Variants in DNAJC13 observed in about 807,000 individuals in gnomAD.
The protein encoded by DNAJC13 is DnaJ heat shock protein family (Hsp40) member C13.
Under a neutral mutation model 290.5 loss-of-function variants are expected in DNAJC13, and 75 were observed. The ratio of observed to expected loss-of-function variants is 0.26; its 90% CI spans 0.21 to 0.31. The LOEUF is 0.31. Ranked by LOEUF, DNAJC13 falls within the 10% of genes least tolerant of loss-of-function variation. DNAJC13 has a pLI of 1.00. For synonymous variants in DNAJC13, 862 were observed against 892.0 expected (o/e 0.97, Z 0.60); for missense variants, 2,260 against 2,674.5 (o/e 0.85, Z 3.42).
chr3:132,466,116 A>C, intron 18 of DNAJC13, 46 bp downstream of exon 18: 2 of 1,523,306 alleles, frequency 1.3e-6, no homozygotes, highest in Non-Finnish European at 1.8e-6. Flanking sequence ...AATAAAATTT[A>C]ATTGAACAAG....
chr3:132,496,482 T>G, intron 35 of DNAJC13, 46 bp from the exon 36 acceptor site: 1 of 1,495,542 alleles, frequency 6.7e-7, no homozygotes, highest in Non-Finnish European at 9.0e-7. Flanking sequence ...AAGTTGAATT[T>G]TGCGACATTC....
In DNAJC13 at chr3:132,474,945, C is replaced by G. The variant is rs1324097782; in HGVS notation, c.2305C>G (p.His769Asp). The G allele has an allele frequency of 6.3e-7, 1 of 1,593,060 alleles. No individual in the cohort carries two copies. Among genetic ancestry groups the G allele is most frequent in the Admixed American group, 1.7e-5 (1 of 58,456 alleles). ...DLFYYRFGQD[H>D]ARSNLIWNFK... ...ATGTATGTCTAGGTTTGGTCAAGACCATGCCAGGTCAAACCTTATTTGGAA... is the reference window on the plus strand; with the variant it reads ...ATGTATGTCTAGGTTTGGTCAAGACGATGCCAGGTCAAACCTTATTTGGAA... The change falls in exon 22 of 56, where the codon CAT becomes GAT. Residue 769 changes from histidine (H) to aspartate (D), a missense_variant. This residue lies in a region of DNAJC13 where 762 missense variants were observed against 964.1 expected (regional missense o/e 0.79). Coordinates refer to ENST00000260818, the MANE Select transcript of DNAJC13 (RefSeq NM_015268.4).
chr3:132,520,890 T>C (rs1936068203), intron 48 of DNAJC13, among the ~76,000 whole-genome samples: 1 of 152,212 alleles, frequency 6.6e-6, no homozygotes, highest in African/African-American at 2.4e-5. Context: ...TTACTTAAAA[T>C]TTAGTTTACT....
chr3:132,536,270 C>T (rs369738410), intron 55 of DNAJC13, among the ~76,000 whole-genome samples: 1 of 152,126 alleles, frequency 6.6e-6, no homozygotes, highest in African/African-American at 2.4e-5. Flanking sequence ...ATGGACAGGC[C>T]GAATCCGCTA....
At chr3:132,512,833 G>C (rs1935817856) in intron 44 of DNAJC13, among the ~76,000 whole-genome samples, 175 bp from the exon 45 acceptor site, 1 of 152,156 alleles carries the variant, frequency 6.6e-6, no homozygotes, top group African/African-American at 2.4e-5. Context: ...CTTACATTTT[G>C]CCTTTTAAGA....
At chr3:132,510,180 A>G (rs990368819) in intron 43 of DNAJC13, among the ~76,000 whole-genome samples, 4 of 152,166 alleles carry the variant, frequency 2.6e-5, no homozygotes, top group African/African-American at 4.8e-5. Context: ...TTACATGCTC[A>G]TTTCATCACA....
chr3:132,429,113 A>G (rs1442321643), intron 1 of DNAJC13, among the ~76,000 whole-genome samples: 1 of 152,226 alleles, frequency 6.6e-6, no homozygotes, highest in Non-Finnish European at 1.5e-5. Flanking sequence ...TCAGCTTTGG[A>G]GACTTATTTT....
chr3:132,453,202 G>T, intron 6 of DNAJC13, 96 bp from the exon 7 acceptor site: 4 of 1,116,502 alleles, frequency 3.6e-6, no homozygotes, highest in Admixed American at 5.2e-5. Flanking sequence ...TTTTTCTCTA[G>T]AATTGCTACT....
Position 132,423,088 on chromosome 3 carries a change from C to G in DNAJC13, c.-14+5328C>G, listed in dbSNP as rs146515191. Among the ~76,000 whole-genome samples, 252 of 152,150 alleles carry G rather than the reference C, an allele frequency of 1.7e-3. 1 individual carries two copies. The Middle Eastern group carries it at 0.017, about 10-fold the overall frequency. On this transcript the variant is annotated intron_variant, in intron 1 of 55. Transcript: ENST00000260818. Reference sequence around the variant, plus strand: ...GGAAGGCTGAGGCGGGAGGATCACTCGAGGCCAGGAGCTCCAACCTAGCTT... The same window carrying G: ...GGAAGGCTGAGGCGGGAGGATCACTGGAGGCCAGGAGCTCCAACCTAGCTT...
In DNAJC13 at chr3:132,467,059, C is replaced by T. The variant is rs1576476960; in HGVS notation, c.2065-111C>T. Reference sequence around the variant, plus strand: ...TTTTCAGTTTGTTTCTTCACTGAACCATAACATCCAGCATTAACCTTATAA... The same window carrying T: ...TTTTCAGTTTGTTTCTTCACTGAACTATAACATCCAGCATTAACCTTATAA... On this transcript the variant is annotated intron_variant, in intron 19 of 55. Transcript: ENST00000260818. The T allele has an allele frequency of 5.0e-6, 6 of 1,200,436 alleles. No individual in the cohort carries two copies. In the East Asian group the frequency reaches 1.1e-4, roughly 22 times the overall value. 74.4% of individuals were successfully genotyped at this position (1,200,436 alleles called of 1,614,324 possible). A position where few individuals can be genotyped will look rare whatever the true frequency, so the allele number is the denominator to read the frequency against.
At chr3:132,471,413 G>T (rs914846933) in intron 20 of DNAJC13, among the ~76,000 whole-genome samples, 4 of 146,716 alleles carry the variant, frequency 2.7e-5, no homozygotes, top group African/African-American at 5.0e-5. Flanking sequence ...CCCAGATGGG[G>T]TGGCTGCCGG....
rs185114081 is a variant in DNAJC13, at chr3:132,475,659, C to T, written c.2445+574C>T. On this transcript the variant is annotated intron_variant, in intron 22 of 55. Coordinates refer to ENST00000260818, the MANE Select transcript of DNAJC13 (RefSeq NM_015268.4). ...ATCCTGCGGGCTTTGATCTTTAACC[C>T]AGTTGCATTTCCATATTCCATTTGG... is the stretch of plus-strand genomic sequence containing the variant. Among the ~76,000 whole-genome samples, 11 of 152,226 alleles carry T rather than the reference C, an allele frequency of 7.2e-5. No homozygotes were observed. In the East Asian group the frequency reaches 2.1e-3, roughly 29 times the overall value.
At chr3:132,438,221 A>G (rs1278978707) in intron 2 of DNAJC13, among the ~76,000 whole-genome samples, 1 of 152,136 alleles carries the variant, frequency 6.6e-6, no homozygotes, top group African/African-American at 2.4e-5. Flanking sequence ...TGTTGATTTC[A>G]GTGTATACAC....
rs570599915 is a variant in DNAJC13, at chr3:132,492,133, A to G, written c.3624-281A>G. Among the ~76,000 whole-genome samples, 6 of 152,254 alleles carry G rather than the reference A, an allele frequency of 3.9e-5. No homozygotes were observed. The South Asian group carries it at 1.2e-3, about 32-fold the overall frequency. On this transcript the variant is annotated intron_variant, in intron 32 of 55. Coordinates refer to ENST00000260818, the MANE Select transcript of DNAJC13 (RefSeq NM_015268.4). ...CTACACCCTCATGCATTCAGATGCT[A>G]TACCATTTGCCCTTCTAATGGCTGA... is the stretch of plus-strand genomic sequence containing the variant.
At position 132,526,536 on chromosome 3, in the gene DNAJC13, C is replaced by T. The variant is rs556358200; in HGVS notation, c.6381+255C>T. On this transcript the variant is annotated intron_variant, in intron 53 of 55. Transcript: ENST00000260818. ...CACACACAAAAATGGGGCCAGCTGC[C>T]AACAGTCTTACCAACTTGAGAGTAC... Among the ~76,000 whole-genome samples, 6 of 152,168 alleles carry T rather than the reference C, an allele frequency of 3.9e-5. No individual in the cohort carries two copies. In the East Asian group the frequency reaches 7.7e-4, roughly 20 times the overall value.
intron 21 of DNAJC13, among the ~76,000 whole-genome samples, chr3:132,473,839 C>G (rs1934370473): frequency 6.6e-6 from 1 of 152,194 alleles, no homozygotes; most frequent in African/African-American, 2.4e-5. Context: ...CTCCCCCACA[C>G]TACTTTTAAA....
chr3:132,487,821 A>G (rs1336333246), intron 29 of DNAJC13, among the ~76,000 whole-genome samples: 1 of 152,074 alleles, frequency 6.6e-6, no homozygotes, highest in Non-Finnish European at 1.5e-5. Flanking sequence ...TCCTGGTAGC[A>G]GATGTACTAC....
chr3:132,526,838 G>C (rs1307774238), intron 53 of DNAJC13, among the ~76,000 whole-genome samples: 1 of 152,132 alleles, frequency 6.6e-6, no homozygotes, highest in Non-Finnish European at 1.5e-5. Flanking sequence ...TTACAAAAGC[G>C]ATCTTTCTAA....
In DNAJC13 at chr3:132,473,189, A is replaced by G. The variant is rs1485401470; in HGVS notation, c.2253A>G (p.Arg751=). The G allele has an allele frequency of 6.2e-7, 1 of 1,611,262 alleles. No homozygotes were observed. The highest frequency in any genetic ancestry group is 8.5e-7 in the Non-Finnish European group (1 of 1,179,022). ...TGGTTCTTCGAAAGAGAAGACAAAG[A>G]ATAAAAATAGAAGCAAATTGGGATC... The part of the protein sequence containing the change: ...KPVVLRKRRQ[R]IKIEANWDLF... The change falls in exon 21 of 56, where the codon AGA becomes AGG. Residue 751 remains arginine, a synonymous_variant. Transcript: ENST00000260818.
Sources: allele counts gnomAD v4.1 joint callset (sites outside exome capture counted in the v4.1 genomes callset), GRCh38; gene constraint gnomAD v4.1.1; regional missense constraint gnomAD v4.1.1; transcripts MANE v1.5; gene names NCBI Gene and HGNC (gene_info 2026-07-23, HGNC 2026-07-21).